Variants in DNAH14 observed in about 807,000 individuals in gnomAD.
DNAH14 encodes axonemal beta dynein heavy chain 14.
A neutral mutation model predicts 520.9 loss-of-function variants in DNAH14; 478 were observed. The ratio of observed to expected loss-of-function variants is 0.92; its 90% CI spans 0.85 to 0.99. DNAH14 has a LOEUF of 0.99. Among genes scored for constraint, DNAH14 ranks in the 50% least tolerant of loss-of-function variants. DNAH14 has a pLI of 0.00. For missense variants in DNAH14, 4,831 were observed against 5,234.5 expected (o/e 0.92, Z 2.38); for synonymous variants, 1,581 against 1,757.2 (o/e 0.90, Z 2.51).
intron 66 of DNAH14, among the ~76,000 whole-genome samples, chr1:225,336,038 C>CATATGTGCAT (rs1553337722): frequency 1.5e-5 from 1 of 64,668 alleles, no homozygotes; most frequent in Non-Finnish European, 2.7e-5. Context: ...TATATACACA[C>CATATGTGCAT]ATATATGCAT....
rs145551372 is a variant in DNAH14 at position 224,986,030 on chromosome 1, T to G, written c.830+11877T>G. 2.3e-3 allele frequency among the ~76,000 whole-genome samples: 348 copies of G among 151,956 alleles called. 3 individuals are homozygous for G. The highest frequency in any genetic ancestry group is 0.023 in the East Asian group (117 of 5,166). ...AGAACTTCCCAAACCTAGGGAAAGA[T>G]ATCAATATTCAAGTACAAGAAGGTT... is the stretch of plus-strand genomic sequence containing the variant. On this transcript the variant is annotated intron_variant, in intron 8 of 85. Transcript: ENST00000682510.
intron 36 of DNAH14, among the ~76,000 whole-genome samples, chr1:225,177,615 A>C (rs2083472087): frequency 6.6e-6 from 1 of 152,090 alleles, no homozygotes; most frequent in Non-Finnish European, 1.5e-5. Context: ...GGGACAATGT[A>C]GAGCTCCGGC....
intron 43 of DNAH14, among the ~76,000 whole-genome samples, chr1:225,249,070 T>A (rs927982946): frequency 6.6e-6 from 1 of 152,166 alleles, no homozygotes; most frequent in Non-Finnish European, 1.5e-5. Flanking sequence ...AGATTTATAA[T>A]GGCATAAGAA....
At chr1:225,293,260 G>A (rs2093932917) in intron 55 of DNAH14, among the ~76,000 whole-genome samples, 1 of 152,090 alleles carries the variant, frequency 6.6e-6, no homozygotes, top group Non-Finnish European at 1.5e-5. Context: ...GGAAGACATT[G>A]TGTCAGTTCC....
chr1:225,047,001 C>G (rs1398569264), intron 15 of DNAH14, among the ~76,000 whole-genome samples: 1 of 152,064 alleles, frequency 6.6e-6, no homozygotes, highest in Non-Finnish European at 1.5e-5. Context: ...TTAACTGTTT[C>G]TCCAAGGAAC....
chr1:224,929,702 G>C lies in DNAH14; in HGVS notation c.-167G>C, dbSNP rs1388669081. On this transcript the variant is annotated 5_prime_UTR_variant, in exon 1 of 86. Transcript: ENST00000682510. Reference sequence around the variant, plus strand: ...CAGGCGGTTACGGCCAGGAGGCGTCGGAGCCTGGCGTGGTAGGGCTGTGCT... The same window carrying C: ...CAGGCGGTTACGGCCAGGAGGCGTCCGAGCCTGGCGTGGTAGGGCTGTGCT... The C allele has an allele frequency of 5.7e-6, 4 of 702,430 alleles. No individual in the cohort carries two copies. Among genetic ancestry groups the C allele is most frequent in the African/African-American group, 3.5e-5 (2 of 57,380 alleles). 43.5% of individuals were successfully genotyped at this position (702,430 alleles called of 1,614,324 possible).
chr1:224,960,682 A>C (rs536080023), intron 4 of DNAH14, among the ~76,000 whole-genome samples: 13 of 152,256 alleles, frequency 8.5e-5, no homozygotes, highest in African/African-American at 2.9e-4. Context: ...TAGTTTATTT[A>C]AATAGATTTT....
intron 10 of DNAH14, among the ~76,000 whole-genome samples, chr1:225,016,646 C>T (rs1051907473): frequency 6.6e-6 from 1 of 152,026 alleles, no homozygotes; most frequent in African/African-American, 2.4e-5. Context: ...TCTTGTTTTT[C>T]TCTTCTCTTT....
At chr1:225,271,551 GT>G (rs924966115) in intron 50 of DNAH14, among the ~76,000 whole-genome samples, 1 of 152,128 alleles carries the variant, frequency 6.6e-6, no homozygotes, top group African/African-American at 2.4e-5. Flanking sequence ...TGAGGTAATA[GT>G]TTTGTCAGTT....
rs189148043 is a variant in DNAH14, at chr1:225,386,951, G to A, written c.13078-1428G>A. Among the ~76,000 whole-genome samples, 1,414 of 152,190 alleles carry A rather than the reference G, an allele frequency of 9.3e-3. 18 individuals carry two copies. Among genetic ancestry groups the A allele is most frequent in the East Asian group, 0.04 (206 of 5,184 alleles). ...ACACATGCACACGTATGTTTATTGCGGCACTATTCACAATAGCAAAGACTT... is the reference window on the plus strand; with the variant it reads ...ACACATGCACACGTATGTTTATTGCAGCACTATTCACAATAGCAAAGACTT... On this transcript the variant is annotated intron_variant, in intron 81 of 85. Transcript: ENST00000682510.
At chr1:225,178,945 G>A (rs1388033926) in intron 36 of DNAH14, among the ~76,000 whole-genome samples, 3 of 152,092 alleles carry the variant, frequency 2.0e-5, no homozygotes, top group African/African-American at 4.8e-5. Context: ...TTATTTCAAG[G>A]GGAATTTTTC....
In DNAH14 at chr1:225,303,268, A is replaced by G; in HGVS notation, c.8744A>G (p.Tyr2915Cys). 6.4e-7 allele frequency: 1 copy of G among 1,551,534 alleles called. No individual in the cohort carries two copies. Among genetic ancestry groups the G allele is most frequent in the Non-Finnish European group, 8.7e-7 (1 of 1,146,820 alleles). The change falls in exon 57 of 86, where the codon TAT (tyrosine) becomes TGT (cysteine). Residue 2915 changes from tyrosine (Y) to cysteine (C), a missense_variant. By Grantham distance (194) the Tyr-to-Cys change is radical (BLOSUM62 -2). Transcript: ENST00000682510. ...SMISSCTIDW[Y>C]ERWPEEALLI... is the part of the protein sequence containing the mutation. Reference sequence around the variant, plus strand: ...ATTAGCTCCTGCACGATCGATTGGTATGAGAGGTGGCCAGAAGAAGCTCTC... The same window carrying G: ...ATTAGCTCCTGCACGATCGATTGGTGTGAGAGGTGGCCAGAAGAAGCTCTC...
chr1:225,304,667 AC>A (rs2094205229), intron 57 of DNAH14, among the ~76,000 whole-genome samples: 2 of 150,454 alleles, frequency 1.3e-5, no homozygotes, highest in African/African-American at 5.0e-5. Flanking sequence ...AGAGTAACAT[AC>A]GGGTAAAGCC....
At position 225,223,637 on chromosome 1, in the gene DNAH14, C is replaced by T. The variant is rs74531572; in HGVS notation, c.6440-7436C>T. On this transcript the variant is annotated intron_variant, in intron 41 of 85. Coordinates refer to ENST00000682510, the MANE Select transcript of DNAH14 (RefSeq NM_001367479.1). The stretch of plus-strand genomic sequence containing the variant: ...TAACAGGGCCTCCCTTCCCCCATGG[C>T]GATTCCTGAAGATTGGCCTCTAGTC... Among the ~76,000 whole-genome samples the T allele has an allele frequency of 1.6e-4, 24 of 152,250 alleles. No individual in the cohort carries two copies. In the East Asian group the frequency reaches 2.9e-3, roughly 18 times the overall value.
Position 225,305,086 on chromosome 1 carries a change from AG to A in DNAH14, c.9003del (p.Arg3002GlyfsTer17), listed in dbSNP as rs1187890338. On this transcript the variant is annotated frameshift_variant and splice_region_variant, in exon 58 of 86. Transcript: ENST00000682510. LOFTEE classifies it high-confidence loss of function. ...LRAREEEMQT[K>X]RDRFHMGLST... ...GCACGAGAGGAAGAGATGCAAACAA[AG>A]AGGTAAGACTTTGAGAACAAATCAT... The A allele has an allele frequency of 6.5e-7, 1 of 1,530,228 alleles. No homozygotes were observed. The highest frequency in any genetic ancestry group is 2.5e-5 in the East Asian group (1 of 40,540). The allele number at this position is 1,530,228 out of a possible 1,614,324, so 94.8% of individuals were successfully genotyped here.
At chr1:224,970,548 A>G (rs2061445164) in intron 7 of DNAH14, among the ~76,000 whole-genome samples, 1 of 152,106 alleles carries the variant, frequency 6.6e-6, no homozygotes, top group Non-Finnish European at 1.5e-5. Flanking sequence ...CGGGGGCATG[A>G]TGGAACCTGC....
intron 8 of DNAH14, among the ~76,000 whole-genome samples, chr1:224,996,242 C>A (rs1383398731): frequency 6.6e-6 from 1 of 151,914 alleles, no homozygotes; most frequent in Non-Finnish European, 1.5e-5. Flanking sequence ...ACTACAGTCT[C>A]AACCTCCTGG....
rs559539757 is a variant in DNAH14 at position 225,293,993 on chromosome 1, T to G, written c.8469+3911T>G. On this transcript the variant is annotated intron_variant, in intron 55 of 85. Transcript: ENST00000682510. ...ATGCTATGTTGAATAAGAGTGGTGA[T>G]AGTGGGCATTATTTTCTTGTTTTAG... 3.3e-5 allele frequency among the ~76,000 whole-genome samples: 5 copies of G among 152,230 alleles called. No homozygotes were observed. The South Asian group carries it at 1.0e-3, about 32-fold the overall frequency.
In DNAH14 at chr1:225,329,994, C is replaced by T. The variant is rs1330395547; in HGVS notation, c.9724-1443C>T. 2.6e-5 allele frequency among the ~76,000 whole-genome samples: 4 copies of T among 151,964 alleles called. No homozygotes were observed. The East Asian group carries it at 7.7e-4, about 29-fold the overall frequency. ...ATCCAATTTGAAAATGAGTAAAAGG[C>T]TTGAATGGATACTTATCAAAAGAAG... is the stretch of plus-strand genomic sequence containing the variant. On this transcript the variant is annotated intron_variant, in intron 64 of 85. Coordinates refer to ENST00000682510, the MANE Select transcript of DNAH14 (RefSeq NM_001367479.1).
Sources: allele counts gnomAD v4.1 joint callset (sites outside exome capture counted in the v4.1 genomes callset), GRCh38; gene constraint gnomAD v4.1.1; transcripts MANE v1.5; gene names NCBI Gene and HGNC (gene_info 2026-07-23, HGNC 2026-07-21).